SEMA5B: variants seen among roughly 807,000 people sequenced by gnomAD.
SEMA5B encodes semaphorin-5B.
Under a neutral mutation model 135.0 loss-of-function variants are expected in SEMA5B, and 66 were observed. The ratio of observed to expected loss-of-function variants is 0.49; its 90% CI spans 0.40 to 0.60. The LOEUF (loss-of-function observed/expected upper bound fraction) is 0.60, where lower values mean the gene tolerates loss of function less well. SEMA5B is among the 20% of genes least tolerant of loss of function. The pLI is 0.00. For synonymous variants in SEMA5B, 690 were observed against 639.5 expected, an observed-to-expected ratio of 1.08 and a Z score of -1.19; for missense variants, 1,501 against 1,566.3, an observed-to-expected ratio of 0.96 and a Z score of 0.70.
intron 12 of SEMA5B, among the ~76,000 whole-genome samples, chr3:122,916,923 G>A (rs1335241085): frequency 1.3e-5 from 2 of 152,162 alleles, no homozygotes; most frequent in African/African-American, 4.8e-5. Flanking sequence ...ACTGATGCAT[G>A]CCCCAAATGC....
intron 1 of SEMA5B, among the ~76,000 whole-genome samples, chr3:122,991,135 C>A (rs1343452544): frequency 6.6e-6 from 1 of 152,184 alleles, no homozygotes; most frequent in Non-Finnish European, 1.5e-5. Flanking sequence ...GGACCCAAAC[C>A]AGCAGCCGAG....
chr3:122,927,988 G>T lies in SEMA5B; in HGVS notation c.652C>A (p.Arg218=), dbSNP rs146178393. ...CTSRQVGNLS[R]TIEKINGVAR... Reference sequence around the variant, plus strand: ...ACACCATTGATCTTCTCAATAGTCCGGCTGAGGTTCCCCACCTGGGGACAA... The same window carrying T: ...ACACCATTGATCTTCTCAATAGTCCTGCTGAGGTTCCCCACCTGGGGACAA... The change falls in exon 8 of 23, where the codon CGG becomes AGG. Residue 218 remains arginine, a synonymous_variant. Coordinates refer to ENST00000357599, the MANE Select transcript of SEMA5B (RefSeq NM_001031702.4). The T allele has an allele frequency of 1.2e-5, 17 of 1,476,602 alleles. No homozygotes were observed. The highest frequency in any genetic ancestry group is 4.3e-5 in the African/African-American group (3 of 69,714). 91.5% of individuals were successfully genotyped at this position (1,476,602 alleles called of 1,614,324 possible).
At chr3:122,922,197 CCCACCCCCGACCTGCAGT>C in intron 11 of SEMA5B, 25 bp downstream of exon 11, 1 of 1,583,734 alleles carries the variant, frequency 6.3e-7, no homozygotes, top group Non-Finnish European at 8.6e-7. Flanking sequence ...CGTCCCTCAA[CCCACCCCCGACCTGCAGT>C]CCAGGTTGGA....
At chr3:122,991,024 T>C (rs1941858487) in intron 1 of SEMA5B, among the ~76,000 whole-genome samples, 1 of 152,340 alleles carries the variant, frequency 6.6e-6, no homozygotes, top group South Asian at 2.1e-4. Flanking sequence ...AAACCCATCC[T>C]GGCCTTGATG....
chr3:122,916,132 T>C (rs1317805035), intron 12 of SEMA5B, among the ~76,000 whole-genome samples: 1 of 152,214 alleles, frequency 6.6e-6, no homozygotes, highest in African/African-American at 2.4e-5. Flanking sequence ...CCATGTTATC[T>C]GGGGGAAACC....
Position 122,922,448 on chromosome 3 carries a change from C to T in SEMA5B, c.1273-1G>A. 6.3e-7 allele frequency: 1 copy of T among 1,593,858 alleles called. No homozygotes were observed. The highest frequency in any genetic ancestry group is 8.5e-7 in the Non-Finnish European group (1 of 1,171,320). ...GACCGGTCTCAGGCAGGGTGCCACA[C>T]TGCCGCGGGGAGCCAGGTCACGCGC... is the stretch of plus-strand genomic sequence containing the variant. On this transcript the variant is annotated splice_acceptor_variant, in intron 10 of 22. Transcript: ENST00000357599. LOFTEE classifies it high-confidence loss of function.
chr3:123,027,134 T>C, intron 1 of SEMA5B: 1 of 154,632 alleles, frequency 6.5e-6, no homozygotes, highest in Non-Finnish European at 1.4e-5. Context: ...CTCGTCCGTC[T>C]CCTTCTCCAG....
chr3:122,952,067 C>CCA (rs1940073456), intron 2 of SEMA5B, among the ~76,000 whole-genome samples: 1 of 152,210 alleles, frequency 6.6e-6, no homozygotes, highest in African/African-American at 2.4e-5. Context: ...GAATTAGGAC[C>CCA]CACAGCACCT....
intron 1 of SEMA5B, among the ~76,000 whole-genome samples, chr3:123,020,468 A>C (rs928544438): frequency 6.6e-6 from 1 of 152,262 alleles, no homozygotes; most frequent in African/African-American, 2.4e-5. Flanking sequence ...GAGCTCTCAC[A>C]ATCAGCTTAT....
intron 1 of SEMA5B, among the ~76,000 whole-genome samples, chr3:122,968,264 T>A (rs1171184926): frequency 6.6e-6 from 1 of 152,258 alleles, no homozygotes; most frequent in African/African-American, 2.4e-5. Context: ...TACTTCTGCA[T>A]CTATGCCACT....
intron 1 of SEMA5B, among the ~76,000 whole-genome samples, chr3:122,964,813 G>A (rs1203877211): frequency 6.6e-6 from 1 of 152,244 alleles, no homozygotes; most frequent in Non-Finnish European, 1.5e-5. Flanking sequence ...GAGAAGAGAA[G>A]GCTGCTGCCA....
At chr3:123,008,793 A>C (rs570526467) in intron 1 of SEMA5B, among the ~76,000 whole-genome samples, 2 of 152,284 alleles carry the variant, frequency 1.3e-5, no homozygotes, top group African/African-American at 4.8e-5. Context: ...AGGCATGGCT[A>C]TCCAAGCAGC....
intron 1 of SEMA5B, among the ~76,000 whole-genome samples, chr3:122,999,629 C>A (rs1318555238): frequency 6.6e-6 from 1 of 152,044 alleles, no homozygotes; most frequent in African/African-American, 2.4e-5. Context: ...CCTCCTGGGG[C>A]TGAGGGCAGC....
intron 5 of SEMA5B, among the ~76,000 whole-genome samples, chr3:122,932,243 A>AGTTTTT: frequency 1.2e-5 from 1 of 85,392 alleles, no homozygotes; most frequent in Middle Eastern, 6.5e-3. Context: ...TCTCAATATG[A>AGTTTTT]TTTTTTTTTT....
At chr3:123,013,977 C>T (rs955852109) in intron 1 of SEMA5B, among the ~76,000 whole-genome samples, 12 of 152,192 alleles carry the variant, frequency 7.9e-5, no homozygotes, top group African/African-American at 2.9e-4. Flanking sequence ...GAGCTTTGGG[C>T]ACAGGAGGGC....
intron 6 of SEMA5B, 140 bp from the exon 7 acceptor site, chr3:122,928,755 C>T: frequency 1.3e-6 from 1 of 755,210 alleles, no homozygotes; most frequent in South Asian, 1.8e-5. Context: ...GTCCCGACGT[C>T]CGGGTCACGT....
chr3:123,006,957 C>T lies in SEMA5B; in HGVS notation c.-39+20507G>A, dbSNP rs112366946. Among the ~76,000 whole-genome samples the T allele has an allele frequency of 1.2e-3, 184 of 152,274 alleles. 1 individual carries two copies. The highest frequency in any genetic ancestry group is 4.2e-3 in the African/African-American group (173 of 41,530). On this transcript the variant is annotated intron_variant, in intron 1 of 22. Coordinates refer to ENST00000357599, the MANE Select transcript of SEMA5B (RefSeq NM_001031702.4). Reference sequence around the variant, plus strand: ...ATATTCCAGCCTCTCTTTGCATCCCCGGTCTAAACTATAATGGAATAATTG... The same window carrying T: ...ATATTCCAGCCTCTCTTTGCATCCCTGGTCTAAACTATAATGGAATAATTG...
chr3:122,941,921 A>G (rs1939581601), intron 4 of SEMA5B, among the ~76,000 whole-genome samples: 1 of 152,214 alleles, frequency 6.6e-6, no homozygotes, highest in Non-Finnish European at 1.5e-5. Flanking sequence ...AATAGAGAGT[A>G]AAACAATTAC....
chr3:122,987,196 G>A (rs1321830877), intron 1 of SEMA5B, among the ~76,000 whole-genome samples: 2 of 152,082 alleles, frequency 1.3e-5, no homozygotes, highest in African/African-American at 4.8e-5. Flanking sequence ...AGAGAGATTG[G>A]AGAGGGTAAA....
Sources: gnomAD v4.1 joint callset for allele counts (sites outside exome capture counted in the v4.1 genomes callset) on GRCh38, gnomAD v4.1.1 for gene constraint, MANE v1.5 for transcripts, NCBI Gene and HGNC (gene_info 2026-07-23, HGNC 2026-07-21) for gene names.